Variants in LDLRAD4 observed in about 807,000 individuals in gnomAD.
The protein encoded by LDLRAD4 is low density lipoprotein receptor class A domain containing 4, also known as low-density lipoprotein receptor class A domain-containing protein 4.
LDLRAD4 carries 5 observed loss-of-function variants against 17.0 expected under a neutral mutation model. The ratio of observed to expected loss-of-function variants is 0.29; its 90% CI spans 0.15 to 0.62. The LOEUF is 0.62. Among genes scored for constraint, LDLRAD4 ranks in the 20% least tolerant of loss-of-function variants. The probability of loss-of-function intolerance (pLI) is 0.84; values close to 1 mark genes in which losing one functional copy is unlikely to be tolerated. For missense variants in LDLRAD4, 340 were observed against 424.7 expected (o/e 0.80, Z 1.75); for synonymous variants, 168 against 171.8 (o/e 0.98, Z 0.17).
chr18:13,375,076 A>G (rs1354021927), intron 1 of LDLRAD4, among the ~76,000 whole-genome samples: 1 of 152,184 alleles, frequency 6.6e-6, no homozygotes, highest in African/African-American at 2.4e-5. Context: ...TGGGAACTAG[A>G]AGGGAAGGGG....
intron 4 of LDLRAD4, among the ~76,000 whole-genome samples, chr18:13,637,887 A>AG (rs1259305966): frequency 1.5e-4 from 22 of 151,324 alleles, no homozygotes; most frequent in East Asian, 3.9e-4. Flanking sequence ...AAAAAAAAAA[A>AG]AGAGAGAGAG....
At chr18:13,271,299 TAGACG>T (rs1280867235) in intron 1 of LDLRAD4, among the ~76,000 whole-genome samples, 10 of 152,350 alleles carry the variant, frequency 6.6e-5, no homozygotes, top group African/African-American at 1.9e-4. Flanking sequence ...GCTGCTGATG[TAGACG>T]ACTGTAGGAT....
rs191774951 is a variant in LDLRAD4 at position 13,625,367 on chromosome 18, T to G, written c.336+4096T>G. Among the ~76,000 whole-genome samples the G allele has an allele frequency of 1.2e-3, 176 of 152,144 alleles. 1 individual carries two copies. Among genetic ancestry groups the G allele is most frequent in the Admixed American group, 3.7e-3 (57 of 15,284 alleles). On this transcript the variant is annotated intron_variant, in intron 4 of 5. Coordinates refer to ENST00000359446, the Ensembl canonical transcript of LDLRAD4. ...TGGGGCAATAGGATGGGAGTGAGTT[T>G]TGGTTTGGAGGAGGAGGATGAGCAG...
At chr18:13,553,879 C>T (rs959529640) in intron 3 of LDLRAD4, among the ~76,000 whole-genome samples, 7 of 152,102 alleles carry the variant, frequency 4.6e-5, no homozygotes, top group Admixed American at 1.3e-4. Flanking sequence ...AACCAACTGC[C>T]CCTTTTGTCA....
At chr18:13,624,499 C>T (rs1172248318) in intron 4 of LDLRAD4, among the ~76,000 whole-genome samples, 1 of 152,238 alleles carries the variant, frequency 6.6e-6, no homozygotes, top group African/African-American at 2.4e-5. Flanking sequence ...GGCCAAGACC[C>T]CGCTGCCATT....
At chr18:13,630,159 A>G (rs1018846633) in intron 4 of LDLRAD4, among the ~76,000 whole-genome samples, 4 of 152,204 alleles carry the variant, frequency 2.6e-5, no homozygotes, top group African/African-American at 9.7e-5. Context: ...AATAGAAAGG[A>G]TTCCCTTCCT....
chr18:13,371,137 G>C (rs1302908010), intron 1 of LDLRAD4, among the ~76,000 whole-genome samples: 1 of 152,200 alleles, frequency 6.6e-6, no homozygotes, highest in Non-Finnish European at 1.5e-5. Context: ...GCCCACCAAT[G>C]CGGTGGGAGG....
chr18:13,363,410 AG>A (rs1037641848), intron 1 of LDLRAD4, among the ~76,000 whole-genome samples: 1 of 151,260 alleles, frequency 6.6e-6, no homozygotes, highest in Non-Finnish European at 1.5e-5. Context: ...CCCTTAACGA[AG>A]GTCTTCAGGC....
intron 1 of LDLRAD4, among the ~76,000 whole-genome samples, chr18:13,318,515 G>A (rs1318831724): frequency 6.6e-6 from 1 of 152,158 alleles, no homozygotes; most frequent in East Asian, 1.9e-4. Flanking sequence ...ACCTGCCTTA[G>A]CCTCCCAAAA....
At chr18:13,324,515 A>G (rs1010733766) in intron 1 of LDLRAD4, among the ~76,000 whole-genome samples, 3 of 152,158 alleles carry the variant, frequency 2.0e-5, no homozygotes, top group African/African-American at 7.2e-5. Flanking sequence ...TTCTATGCGC[A>G]GAGAACAGTG....
chr18:13,652,699 C>T (rs896577998), exon 6 of LDLRAD4: 11 of 152,614 alleles, frequency 7.2e-5, no homozygotes, highest in African/African-American at 2.2e-4. Context: ...TCTGCTTGTT[C>T]TTAATGCTGT....
chr18:13,370,082 G>A (rs945294160), intron 1 of LDLRAD4, among the ~76,000 whole-genome samples: 1 of 152,256 alleles, frequency 6.6e-6, no homozygotes, highest in Admixed American at 6.5e-5. Context: ...CTGGTTGCAG[G>A]TGGCCTGCCA....
chr18:13,400,187 T>C (rs1172263917), intron 2 of LDLRAD4, among the ~76,000 whole-genome samples: 1 of 152,230 alleles, frequency 6.6e-6, no homozygotes, highest in Admixed American at 6.5e-5. Flanking sequence ...ATAATTTGCT[T>C]GGATGGCAGG....
intron 2 of LDLRAD4, among the ~76,000 whole-genome samples, chr18:13,392,784 G>C (rs1445064196): frequency 6.6e-6 from 1 of 152,218 alleles, no homozygotes; most frequent in East Asian, 1.9e-4. Flanking sequence ...CAAATAACTA[G>C]GTAAGTGAAT....
upstream of LDLRAD4, chr18:13,217,820 C>G (rs2041242440): frequency 6.6e-6 from 1 of 151,496 alleles, no homozygotes; most frequent in Non-Finnish European, 1.5e-5. This position sits in a 1 kb window ranked among gnomAD's most constrained non-coding sequence, Gnocchi z 4.9. Context: ...CGCGGCCGGC[C>G]GGGGATCCCC....
chr18:13,633,871 G>T (rs947976293), intron 4 of LDLRAD4, among the ~76,000 whole-genome samples: 1 of 152,176 alleles, frequency 6.6e-6, no homozygotes, highest in Admixed American at 6.5e-5. Flanking sequence ...AAGAGGGCAG[G>T]GCTCCCACCT....
chr18:13,552,194 C>G (rs1601326882), intron 3 of LDLRAD4, among the ~76,000 whole-genome samples: 1 of 152,196 alleles, frequency 6.6e-6, no homozygotes, highest in Non-Finnish European at 1.5e-5. Context: ...GGTGCAGTGA[C>G]CACCTAGGCC....
At chr18:13,336,939 T>C (rs1599503097) in intron 1 of LDLRAD4, among the ~76,000 whole-genome samples, 3 of 152,316 alleles carry the variant, frequency 2.0e-5, no homozygotes, top group Admixed American at 2.0e-4. Context: ...TTTCACTTTT[T>C]TTATAGAATA....
intron 1 of LDLRAD4, among the ~76,000 whole-genome samples, chr18:13,318,179 G>A (rs916819274): frequency 2.6e-5 from 4 of 152,158 alleles, no homozygotes; most frequent in Admixed American, 6.5e-5. Flanking sequence ...TGGAGCTTCC[G>A]GCTTTCCCTG....
Sources: allele counts gnomAD v4.1 joint callset (sites outside exome capture counted in the v4.1 genomes callset), GRCh38; gene constraint gnomAD v4.1.1; non-coding constraint Gnocchi (gnomAD v3.1); transcripts MANE v1.5; gene names NCBI Gene and HGNC (gene_info 2026-07-23, HGNC 2026-07-21).